Variants in PCDHGB2 observed in about 807,000 individuals in gnomAD.
PCDHGB2 encodes the protein protocadherin gamma-B2.
Under a neutral mutation model 59.3 loss-of-function variants are expected in PCDHGB2, and 55 were observed. That is an observed-to-expected ratio of 0.93 (90% confidence interval 0.75 to 1.16). The LOEUF is 1.16. Ranked by LOEUF, PCDHGB2 falls within the 50% of genes most tolerant of loss-of-function variation. PCDHGB2 has a pLI of 0.00. For synonymous variants in PCDHGB2, 516 were observed against 512.0 expected (o/e 1.01, Z -0.11); for missense variants, 1,228 against 1,198.5 (o/e 1.02, Z -0.36).
chr5:141,394,865 G>T (rs2093117021), intron 1 of PCDHGB2: 1 of 1,613,816 alleles, frequency 6.2e-7, no homozygotes, highest in Non-Finnish European at 8.5e-7. Flanking sequence ...CGGTCGACCC[G>T]AACGATTCGA....
chr5:141,489,381 T>A lies in PCDHGB2; in HGVS notation c.2422-5426T>A. 1 of 1,613,894 alleles carries A rather than the reference T, an allele frequency of 6.2e-7. No homozygotes were observed. The highest frequency in any genetic ancestry group is 8.5e-7 in the Non-Finnish European group (1 of 1,179,802). ...CTGAGCCGGGGACGCTGGTGGGGAATGTTGCTCAGGATCTGGGCTTAAAGA... is the reference window on the plus strand; with the variant it reads ...CTGAGCCGGGGACGCTGGTGGGGAAAGTTGCTCAGGATCTGGGCTTAAAGA... On this transcript the variant is annotated intron_variant, in intron 1 of 3. Transcript: ENST00000522605. The surrounding 1 kb of genome is among the most constrained non-coding windows in gnomAD (Gnocchi z 4.5).
At chr5:141,466,763 C>T (rs960940073) in intron 1 of PCDHGB2, among the ~76,000 whole-genome samples, 31 of 152,272 alleles carry the variant, frequency 2.0e-4, no homozygotes, top group Middle Eastern at 6.8e-3. Context: ...TCTTTTCAAA[C>T]TGTTATCTTA....
At chr5:141,509,720 A>G (rs916316577) in intron 3 of PCDHGB2, among the ~76,000 whole-genome samples, 6 of 151,974 alleles carry the variant, frequency 3.9e-5, no homozygotes, top group Admixed American at 3.3e-4. Context: ...GTCTGATGTC[A>G]CCTAGCTGTG....
chr5:141,454,464 T>C (rs1365696226), intron 1 of PCDHGB2, among the ~76,000 whole-genome samples: 1 of 152,196 alleles, frequency 6.6e-6, no homozygotes, highest in Non-Finnish European at 1.5e-5. Flanking sequence ...TGGAGTGCAA[T>C]GGCATGATCT....
In PCDHGB2 at chr5:141,418,416, C is replaced by G. The variant is rs377542164; in HGVS notation, c.2421+55860C>G. The G allele has an allele frequency of 2.9e-5, 46 of 1,613,866 alleles. No homozygotes were observed. Among genetic ancestry groups the G allele is most frequent in the Non-Finnish European group, 3.4e-5 (40 of 1,179,880 alleles). ...TTCTCATTGGTGGAGAAAGACAATC[C>G]TGATGGTGGCAAATATCCAGAATTA... On this transcript the variant is annotated intron_variant, in intron 1 of 3. Transcript: ENST00000522605.
Position 141,490,226 on chromosome 5 carries a change from C to T in PCDHGB2, c.2422-4581C>T. On this transcript the variant is annotated intron_variant, in intron 1 of 3. Coordinates refer to ENST00000522605, the MANE Select transcript of PCDHGB2 (RefSeq NM_018923.3). This position sits in a 1 kb window ranked among gnomAD's most constrained non-coding sequence, Gnocchi z 5.4. ...AGAGCCCGTGACCAGGGACAGCCTG[C>T]CATGGAGGGCCACTGTGTGATTCAA... The T allele has an allele frequency of 6.2e-7, 1 of 1,614,168 alleles. No homozygotes were observed. Among genetic ancestry groups the T allele is most frequent in the Non-Finnish European group, 8.5e-7 (1 of 1,180,020 alleles).
At chr5:141,384,823 C>T (rs1780554130) in intron 1 of PCDHGB2, 1 of 1,613,490 alleles carries the variant, frequency 6.2e-7, no homozygotes, top group South Asian at 1.1e-5. Flanking sequence ...CAAGCAGAGC[C>T]TCGTGGTGGC....
rs1236074950 is a variant in PCDHGB2 at position 141,489,119 on chromosome 5, C to G, written c.2422-5688C>G. On this transcript the variant is annotated intron_variant, in intron 1 of 3. Transcript: ENST00000522605. This position sits in a 1 kb window ranked among gnomAD's most constrained non-coding sequence, Gnocchi z 4.5. ...GAACTGCTGCAAGCAGGCAAACCTC[C>G]GAGCAGTTTTTAAGAGGCTGGAAGG... The G allele has an allele frequency of 1.5e-6, 1 of 650,358 alleles. No individual in the cohort carries two copies. Among genetic ancestry groups the G allele is most frequent in the Non-Finnish European group, 2.5e-6 (1 of 400,690 alleles). The allele number at this position is 650,358 out of a possible 1,614,324, so 40.3% of individuals were successfully genotyped here. A position where few individuals can be genotyped will look rare whatever the true frequency, so the allele number is the denominator to read the frequency against.
At chr5:141,453,492 G>A (rs1046043468) in intron 1 of PCDHGB2, among the ~76,000 whole-genome samples, 7 of 152,000 alleles carry the variant, frequency 4.6e-5, no homozygotes, top group African/African-American at 7.3e-5. Context: ...AAAAAAAGGT[G>A]TACTCAGAAA....
At chr5:141,441,308 C>T (rs984341964) in intron 1 of PCDHGB2, 2 of 152,164 alleles carry the variant, frequency 1.3e-5, no homozygotes, top group African/African-American at 2.4e-5. Flanking sequence ...TAAGAAAATG[C>T]ACCTTGAGAA....
At chr5:141,409,502 T>G (rs1311120933) in intron 1 of PCDHGB2, 17 of 1,613,868 alleles carry the variant, frequency 1.1e-5, no homozygotes, top group Non-Finnish European at 1.4e-5. Context: ...GCCTCTTTCT[T>G]CCAGTAGAAG....
At chr5:141,455,282 A>C (rs1307886349) in intron 1 of PCDHGB2, among the ~76,000 whole-genome samples, 1 of 152,056 alleles carries the variant, frequency 6.6e-6, no homozygotes, top group Non-Finnish European at 1.5e-5. Flanking sequence ...TATTAACATC[A>C]CTTTACATAG....
intron 1 of PCDHGB2, chr5:141,415,759 T>TTTG: frequency 3.7e-6 from 5 of 1,352,140 alleles, no homozygotes; most frequent in Non-Finnish European, 4.8e-6. Flanking sequence ...TTTTTTTTTT[T>TTTG]TTTTTTTTTT....
In PCDHGB2 at chr5:141,432,601, G is replaced by A. The variant is rs1313279772; in HGVS notation, c.2422-62206G>A. The A allele has an allele frequency of 5.6e-6, 9 of 1,613,950 alleles. No homozygotes were observed. Among genetic ancestry groups the A allele is most frequent in the Admixed American group, 1.7e-5 (1 of 60,030 alleles). On this transcript the variant is annotated intron_variant, in intron 1 of 3. Transcript: ENST00000522605. The surrounding 1 kb of genome is among the most constrained non-coding windows in gnomAD (Gnocchi z 6.0). ...ACCGTCTGCTCAAGGCCAGCGAGCC[G>A]GGACTCTTCTCGGTGGGTCTGCACA...
At chr5:141,388,923 T>G (rs374663443) in intron 1 of PCDHGB2, 2 of 1,614,002 alleles carry the variant, frequency 1.2e-6, no homozygotes, top group Admixed American at 1.7e-5. Context: ...AGAAGTGATA[T>G]TCCAGTCTCT....
chr5:141,365,474 A>G, intron 1 of PCDHGB2: 1 of 1,614,006 alleles, frequency 6.2e-7, no homozygotes, highest in Non-Finnish European at 8.5e-7. Flanking sequence ...AAATGGTGAG[A>G]TTGCATGCTC....
intron 1 of PCDHGB2, chr5:141,389,804 T>G (rs751634687): frequency 2.3e-5 from 37 of 1,613,616 alleles, no homozygotes; most frequent in Non-Finnish European, 3.1e-5. Flanking sequence ...GCCAGCGCCT[T>G]CTGGTCGCCG....
rs772884830 is a variant in PCDHGB2 at position 141,491,791 on chromosome 5, C to T, written c.2422-3016C>T. ...TAAGGGATTGAACTTGCATCCACTCCTCTCCGGCCGGCTTGGTCGCTGGCT... is the reference window on the plus strand; with the variant it reads ...TAAGGGATTGAACTTGCATCCACTCTTCTCCGGCCGGCTTGGTCGCTGGCT... On this transcript the variant is annotated intron_variant, in intron 1 of 3. Coordinates refer to ENST00000522605, the MANE Select transcript of PCDHGB2 (RefSeq NM_018923.3). This position sits in a 1 kb window ranked among gnomAD's most constrained non-coding sequence, Gnocchi z 6.9. The T allele has an allele frequency of 3.3e-6, 5 of 1,518,376 alleles. No homozygotes were observed. In the African/African-American group the frequency reaches 4.2e-5, roughly 13 times the overall value. The allele number at this position is 1,518,376 out of a possible 1,614,324, so 94.1% of individuals were successfully genotyped here.
rs10038103 is a variant in PCDHGB2 at position 141,414,849 on chromosome 5, C to T, written c.2421+52293C>T. On this transcript the variant is annotated intron_variant, in intron 1 of 3. Transcript: ENST00000522605. ...TGTCGTTGAGCCTGTTTGTGCTGGA[C>T]CAGAACGACAATGCGCCCGAGATCC... The T allele has an allele frequency of 7.9e-4, 1,268 of 1,614,252 alleles. 15 individuals carry two copies. In the African/African-American group the frequency reaches 0.015, roughly 19 times the overall value.
Sources: gnomAD v4.1 joint callset for allele counts (sites outside exome capture counted in the v4.1 genomes callset) on GRCh38, gnomAD v4.1.1 for gene constraint, Gnocchi (gnomAD v3.1) non-coding constraint, MANE v1.5 for transcripts, NCBI Gene and HGNC (gene_info 2026-07-23, HGNC 2026-07-21) for gene names.